Variants in UBA3 observed in about 807,000 individuals in gnomAD.
The protein encoded by UBA3 is NEDD8-activating enzyme E1 catalytic subunit.
A neutral mutation model predicts 73.5 loss-of-function variants in UBA3; 26 were observed. The observed-to-expected ratio is 0.35, with a 90% confidence interval of 0.26 to 0.49. UBA3 has a LOEUF of 0.49. Ranked by LOEUF, UBA3 falls within the 20% of genes least tolerant of loss-of-function variation. UBA3 has a pLI of 0.98. For missense variants in UBA3, 495 were observed against 555.6 expected, an observed-to-expected ratio of 0.89 and a Z score of 1.10; for synonymous variants, 217 against 191.2, an observed-to-expected ratio of 1.13 and a Z score of -1.11.
chr3:69,077,770 C>T (rs746782920), intron 3 of UBA3, 28 bp downstream of exon 3: 1 of 1,590,446 alleles, frequency 6.3e-7, no homozygotes, highest in South Asian at 1.1e-5. Flanking sequence ...ACTATTAGAG[C>T]AGTTATTTAA....
intron 9 of UBA3, among the ~76,000 whole-genome samples, chr3:69,062,750 CA>C (rs2092032642): frequency 6.6e-6 from 1 of 151,998 alleles, no homozygotes; most frequent in Admixed American, 6.6e-5. Context: ...ACCTACTCCC[CA>C]AATAAAAAAT....
chr3:69,063,418 TAAC>T lies in UBA3; in HGVS notation c.537+18_537+20del, dbSNP rs757715914. 5 of 1,578,820 alleles carry T rather than the reference TAAC, an allele frequency of 3.2e-6. No individual in the cohort carries two copies. Among genetic ancestry groups the T allele is most frequent in the Non-Finnish European group, 3.4e-6 (4 of 1,165,308 alleles). The stretch of plus-strand genomic sequence containing the variant: ...CAGCAGCAAGAACTTCAGAGAACTA[TAAC>T]AATACTAAAGTCTTTACCAGCATGC... On this transcript the variant is annotated intron_variant, in intron 8 of 17. Transcript: ENST00000361055.
chr3:69,056,260 C>G lies in UBA3; in HGVS notation c.1107G>C (p.Gln369His). The change falls in exon 15 of 18, where the codon CAG becomes CAC. Residue 369 changes from glutamine to histidine, a missense_variant. By Grantham distance (24) the Gln-to-His change is conservative. Coordinates refer to ENST00000361055, the MANE Select transcript of UBA3 (RefSeq NM_003968.4). ...GAGAAAACTGAATATTTTGAGGAAG[C>G]TGGCTACAAGCTGGGCAGTTTTCCT... The part of the protein sequence containing the change: ...ERKENCPACS[Q>H]LPQNIQFSPS... The G allele has an allele frequency of 1.9e-6, 3 of 1,602,878 alleles. No homozygotes were observed. The highest frequency in any genetic ancestry group is 2.5e-6 in the Non-Finnish European group (3 of 1,176,860).
chr3:69,056,427 A>C (rs999158266), intron 14 of UBA3, 144 bp from the exon 15 acceptor site: 2 of 857,306 alleles, frequency 2.3e-6, no homozygotes, highest in African/African-American at 3.4e-5. Flanking sequence ...CCTGCTTTTC[A>C]TAATAGACCA....
At chr3:69,066,102 T>A (rs958888180) in intron 6 of UBA3, among the ~76,000 whole-genome samples, 2 of 152,206 alleles carry the variant, frequency 1.3e-5, no homozygotes, top group Admixed American at 1.3e-4. Flanking sequence ...GTTTTTAATT[T>A]TGATGAAGTT....
intron 4 of UBA3, among the ~76,000 whole-genome samples, chr3:69,074,861 G>A (rs973537961): frequency 6.6e-6 from 1 of 152,156 alleles, no homozygotes; most frequent in African/African-American, 2.4e-5. Context: ...GTCCACAATC[G>A]TCTTATTAGG....
intron 11 of UBA3, among the ~76,000 whole-genome samples, chr3:69,060,799 C>T (rs191764918): frequency 5.3e-5 from 8 of 152,166 alleles, no homozygotes; most frequent in Non-Finnish European, 7.3e-5. Flanking sequence ...ATTAAGTTCA[C>T]GCAAGAGCTG....
At chr3:69,065,472 C>A (rs905599506) in intron 6 of UBA3, among the ~76,000 whole-genome samples, 4 of 152,102 alleles carry the variant, frequency 2.6e-5, no homozygotes, top group African/African-American at 9.7e-5. Flanking sequence ...GTGTAACCAC[C>A]ACCCCAGGCA....
chr3:69,058,148 T>C (rs907428374), intron 11 of UBA3, among the ~76,000 whole-genome samples: 43 of 152,110 alleles, frequency 2.8e-4, no homozygotes, highest in East Asian at 1.2e-3. Flanking sequence ...GCCACGATGG[T>C]CTCGATATCC....
chr3:69,080,324 C>T lies in UBA3; in HGVS notation c.20+10G>A, dbSNP rs558014218. 6 of 1,603,746 alleles carry T rather than the reference C, an allele frequency of 3.7e-6. No homozygotes were observed. Among genetic ancestry groups the T allele is most frequent in the South Asian group, 1.1e-5 (1 of 89,710 alleles). On this transcript the variant is annotated intron_variant, in intron 1 of 17. Transcript: ENST00000361055. ...CCAGCCCGGCGCGTCTGCAGAGCCC[C>T]GGTACTTACGGCTCCTCGCCATCCG...
chr3:69,074,140 C>T (rs1180152711), intron 4 of UBA3, among the ~76,000 whole-genome samples: 1 of 152,174 alleles, frequency 6.6e-6, no homozygotes, highest in African/African-American at 2.4e-5. Flanking sequence ...TTATTTTACA[C>T]TTAAAATTAG....
chr3:69,069,632 T>A (rs940012925), intron 5 of UBA3, among the ~76,000 whole-genome samples: 3 of 152,198 alleles, frequency 2.0e-5, no homozygotes, highest in African/African-American at 4.8e-5. Context: ...AGGCCAATTT[T>A]TTTTCTCTCC....
rs116154388 is a variant in UBA3, at chr3:69,056,286, A to G, written c.1084-3T>C. 2.0e-4 allele frequency: 317 copies of G among 1,591,244 alleles called. No homozygotes were observed. The African/African-American group carries it at 4.0e-3, about 20-fold the overall frequency. On this transcript the variant is annotated splice_region_variant and splice_polypyrimidine_tract_variant and intron_variant, in intron 14 of 17. Transcript: ENST00000361055. ...TGGCTACAAGCTGGGCAGTTTTCCT[A>G]CACACATAATACACAACAAATTACA... is the stretch of plus-strand genomic sequence containing the variant.
chr3:69,079,318 T>TC (rs2092197894), intron 2 of UBA3, among the ~76,000 whole-genome samples: 1 of 152,202 alleles, frequency 6.6e-6, no homozygotes. Context: ...GAATGTGAAA[T>TC]TAAGTTTGTC....
At chr3:69,065,489 A>G (rs1221171595) in intron 6 of UBA3, among the ~76,000 whole-genome samples, 3 of 152,340 alleles carry the variant, frequency 2.0e-5, no homozygotes, top group South Asian at 2.1e-4. Flanking sequence ...GGCAACACAC[A>G]TAACTATTCG....
chr3:69,080,233 C>T (rs1380258696), intron 1 of UBA3, 80 bp from the exon 2 acceptor site: 5 of 557,152 alleles, frequency 9.0e-6, no homozygotes, highest in Non-Finnish European at 1.5e-5. Context: ...GGGGACGGGG[C>T]GGGGGGTGTG....
rs1480528518 is a variant in UBA3 at position 69,079,940 on chromosome 3, C to A, written c.62+172G>T. 5 of 584,898 alleles carry A rather than the reference C, an allele frequency of 8.5e-6. No individual in the cohort carries two copies. The Admixed American group carries it at 1.9e-4, about 23-fold the overall frequency. The allele number at this position is 584,898 out of a possible 1,614,324, so 36.2% of individuals were successfully genotyped here. ...CGCACCGGGCAGATACCGGGAGCGGCCCGCCAGGCCCCCGGGGCTGCGGGG... is the reference window on the plus strand; with the variant it reads ...CGCACCGGGCAGATACCGGGAGCGGACCGCCAGGCCCCCGGGGCTGCGGGG... On this transcript the variant is annotated intron_variant, in intron 2 of 17. Transcript: ENST00000361055.
Position 69,075,400 on chromosome 3 carries a change from A to T in UBA3, c.264+30T>A, listed in dbSNP as rs1412004251. ...GTTTACTTATCACAAAGAAGAAAAA[A>T]ATATTTATATATATATGTATATATA... is the stretch of plus-strand genomic sequence containing the variant. On this transcript the variant is annotated intron_variant, in intron 4 of 17. Coordinates refer to ENST00000361055, the MANE Select transcript of UBA3 (RefSeq NM_003968.4). 3 of 1,118,242 alleles carry T rather than the reference A, an allele frequency of 2.7e-6. No homozygotes were observed. The East Asian group carries it at 1.0e-4, about 39-fold the overall frequency. 69.3% of individuals were successfully genotyped at this position (1,118,242 alleles called of 1,614,324 possible). A position where few individuals can be genotyped will look rare whatever the true frequency, so the allele number is the denominator to read the frequency against.
chr3:69,068,499 A>G (rs1047031391), intron 5 of UBA3, among the ~76,000 whole-genome samples: 2 of 151,790 alleles, frequency 1.3e-5, no homozygotes, highest in African/African-American at 4.8e-5. Flanking sequence ...TGCATGAAAA[A>G]GAAAAAAAAA....
Sources: gnomAD v4.1 joint callset for allele counts (sites outside exome capture counted in the v4.1 genomes callset) on GRCh38, gnomAD v4.1.1 for gene constraint, MANE v1.5 for transcripts, NCBI Gene and HGNC (gene_info 2026-07-23, HGNC 2026-07-21) for gene names.